Variants in TRIP12 observed in about 807,000 individuals in gnomAD.
TRIP12 encodes E3 ubiquitin-protein ligase TRIP12.
In TRIP12, 25 loss-of-function variants were observed where a neutral mutation model predicts 244.2. That is an observed-to-expected ratio of 0.10 (90% confidence interval 0.07 to 0.14). TRIP12 has a LOEUF of 0.14. Ranked by LOEUF, TRIP12 falls within the 10% of genes least tolerant of loss-of-function variation. The pLI, the probability that TRIP12 is intolerant of heterozygous loss-of-function variation, is 1.00. For synonymous variants in TRIP12, 905 were observed against 873.1 expected, an observed-to-expected ratio of 1.04 and a Z score of -0.64; for missense variants, 1,677 against 2,486.4, an observed-to-expected ratio of 0.67 and a Z score of 6.92.
chr2:229,871,691 C>T (rs959196516), intron 2 of TRIP12, among the ~76,000 whole-genome samples: 1 of 152,160 alleles, frequency 6.6e-6, no homozygotes. Context: ...TACCCAGTCT[C>T]AGGTATTCCT....
intron 20 of TRIP12, 71 bp downstream of exon 20, chr2:229,803,500 C>T (rs779817787): frequency 3.0e-6 from 3 of 1,000,630 alleles, no homozygotes; most frequent in Non-Finnish European, 3.0e-6. Context: ...AGTTTTTGCT[C>T]GACAGATTAA....
intron 15 of TRIP12, 133 bp from the exon 16 acceptor site, chr2:229,808,502 T>C: frequency 3.2e-6 from 2 of 632,012 alleles, no homozygotes; most frequent in East Asian, 5.8e-5. Flanking sequence ...CAGAAATTAA[T>C]GTAAAAAATG....
chr2:229,792,281 A>G, intron 27 of TRIP12, 55 bp from the exon 28 acceptor site: 1 of 1,548,692 alleles, frequency 6.5e-7, no homozygotes, highest in Middle Eastern at 1.7e-4. Flanking sequence ...TAAAAAAAAA[A>G]AAATCCTGTA....
rs1040896495 is a variant in TRIP12 at position 229,880,203 on chromosome 2, C to T, written c.-49-75G>A. 40 of 899,350 alleles carry T rather than the reference C, an allele frequency of 4.4e-5. No individual in the cohort carries two copies. The East Asian group carries it at 6.5e-4, about 15-fold the overall frequency. 55.7% of individuals were successfully genotyped at this position (899,350 alleles called of 1,614,324 possible). On this transcript the variant is annotated intron_variant, in intron 1 of 41. Coordinates refer to ENST00000675903, the MANE Select transcript of TRIP12 (RefSeq NM_001348323.3). Reference sequence around the variant, plus strand: ...ATGGAAAAGAAATGAGGGGAACTTACGGTGACATGGAAATTTTCTGCAAAC... The same window carrying T: ...ATGGAAAAGAAATGAGGGGAACTTATGGTGACATGGAAATTTTCTGCAAAC...
rs2031214170 is a variant in TRIP12, at chr2:229,764,514, T to G, written c.*3040A>C. On this transcript the variant is annotated 3_prime_UTR_variant, in exon 42 of 42. Coordinates refer to ENST00000675903, the MANE Select transcript of TRIP12 (RefSeq NM_001348323.3). ...CACTTTTATGAAAAACTTCATCACATTTTTTTTTTGGAATAGACTCCACTC... is the reference window on the plus strand; with the variant it reads ...CACTTTTATGAAAAACTTCATCACAGTTTTTTTTTGGAATAGACTCCACTC... 1 of 148,636 alleles carries G rather than the reference T, an allele frequency of 6.7e-6. No homozygotes were observed. Among genetic ancestry groups the G allele is most frequent in the African/African-American group, 2.5e-5 (1 of 39,764 alleles). 9.2% of individuals were successfully genotyped at this position (148,636 alleles called of 1,614,324 possible). A position where few individuals can be genotyped will look rare whatever the true frequency, so the allele number is the denominator to read the frequency against.
chr2:229,812,632 C>G (rs2047553779), intron 13 of TRIP12, among the ~76,000 whole-genome samples: 1 of 152,012 alleles, frequency 6.6e-6, no homozygotes, highest in East Asian at 1.9e-4. Context: ...ATGGCGAAAC[C>G]CTGTCTCTAC....
chr2:229,822,855 A>G (rs1208268174), intron 8 of TRIP12, among the ~76,000 whole-genome samples: 1 of 152,238 alleles, frequency 6.6e-6, no homozygotes, highest in Non-Finnish European at 1.5e-5. Flanking sequence ...CATTTTCAAC[A>G]GATGATTGGC....
intron 4 of TRIP12, among the ~76,000 whole-genome samples, chr2:229,845,768 G>C (rs551296762): frequency 1.3e-5 from 2 of 152,192 alleles, no homozygotes; most frequent in African/African-American, 4.8e-5. Flanking sequence ...GCTCACATCT[G>C]TAAGCCCAGC....
chr2:229,825,942 T>TA (rs2051437889), intron 8 of TRIP12, among the ~76,000 whole-genome samples: 1 of 152,196 alleles, frequency 6.6e-6, no homozygotes, highest in East Asian at 1.9e-4. Context: ...AAATGTTTAA[T>TA]ACACATCTCA....
chr2:229,853,376 A>G (rs975983845), intron 4 of TRIP12, among the ~76,000 whole-genome samples: 1 of 152,222 alleles, frequency 6.6e-6, no homozygotes, highest in Non-Finnish European at 1.5e-5. Flanking sequence ...CGTTAAAACA[A>G]AAAACCCTGA....
At position 229,807,000 on chromosome 2, in the gene TRIP12, T is replaced by C. The variant is rs180939302; in HGVS notation, c.2496+708A>G. On this transcript the variant is annotated intron_variant, in intron 17 of 41. Transcript: ENST00000675903. Reference sequence around the variant, plus strand: ...TCAACACCTCCTAAGCTAGAGCAAATATTATGCTCATTTAGTTTTAAAAAT... The same window carrying C: ...TCAACACCTCCTAAGCTAGAGCAAACATTATGCTCATTTAGTTTTAAAAAT... Among the ~76,000 whole-genome samples, 19 of 152,316 alleles carry C rather than the reference T, an allele frequency of 1.2e-4. No individual in the cohort carries two copies. The East Asian group carries it at 3.7e-3, about 29-fold the overall frequency.
intron 1 of TRIP12, among the ~76,000 whole-genome samples, chr2:229,895,558 G>A (rs1232057564): frequency 1.3e-5 from 2 of 149,018 alleles, no homozygotes; most frequent in African/African-American, 5.0e-5. Context: ...AAATAGGTGT[G>A]GCGGCCTATT....
chr2:229,892,927 A>G (rs994504981), intron 1 of TRIP12, among the ~76,000 whole-genome samples: 7 of 152,200 alleles, frequency 4.6e-5, no homozygotes, highest in African/African-American at 1.7e-4. Flanking sequence ...GACTACAGCT[A>G]CCACTCATCT....
At chr2:229,885,680 T>C (rs1217671179) in intron 1 of TRIP12, among the ~76,000 whole-genome samples, 1 of 152,216 alleles carries the variant, frequency 6.6e-6, no homozygotes, top group East Asian at 1.9e-4. Context: ...GGACTTCAAA[T>C]AAGCCTATCT....
At chr2:229,920,108 G>A (rs1577254187) in intron 1 of TRIP12, among the ~76,000 whole-genome samples, 1 of 152,082 alleles carries the variant, frequency 6.6e-6, no homozygotes, top group Non-Finnish European at 1.5e-5. Context: ...TCATATACAG[G>A]CCTCTTGCCT....
chr2:229,911,884 C>A (rs1048461708), intron 1 of TRIP12, among the ~76,000 whole-genome samples: 3 of 150,874 alleles, frequency 2.0e-5, no homozygotes, highest in Non-Finnish European at 4.4e-5. Context: ...AAAAAAAAAA[C>A]CAGAAGTATT....
At chr2:229,791,300 T>C in intron 29 of TRIP12, 49 bp from the exon 30 acceptor site, 2 of 1,605,276 alleles carry the variant, frequency 1.2e-6, no homozygotes, top group Non-Finnish European at 1.7e-6. Context: ...TTGAAACTGA[T>C]ACAAAGCCAA....
chr2:229,851,416 C>T (rs1455322310), intron 4 of TRIP12, among the ~76,000 whole-genome samples: 3 of 152,124 alleles, frequency 2.0e-5, no homozygotes, highest in Non-Finnish European at 4.4e-5. Context: ...TAGTGTCTAG[C>T]TCAGGGATTG....
chr2:229,830,123 CCATA>C (rs2052932461), intron 7 of TRIP12, among the ~76,000 whole-genome samples: 1 of 152,122 alleles, frequency 6.6e-6, no homozygotes, highest in Admixed American at 6.5e-5. Flanking sequence ...ACATACCCAT[CCATA>C]CATAGTATTA....
Sources: allele counts gnomAD v4.1 joint callset (sites outside exome capture counted in the v4.1 genomes callset), GRCh38; gene constraint gnomAD v4.1.1; transcripts MANE v1.5; gene names NCBI Gene and HGNC (gene_info 2026-07-23, HGNC 2026-07-21).